CD109: variants seen among roughly 807,000 people sequenced by gnomAD.
CD109 encodes CD109 antigen.
A neutral mutation model predicts 165.8 loss-of-function variants in CD109; 149 were observed. The observed-to-expected ratio is 0.90, with a 90% confidence interval of 0.79 to 1.03. The LOEUF is 1.03. Ranked by LOEUF, CD109 falls within the 50% of genes least tolerant of loss-of-function variation. The pLI, the probability that CD109 is intolerant of heterozygous loss-of-function variation, is 0.00. For synonymous variants in CD109, 585 were observed against 592.1 expected, an observed-to-expected ratio of 0.99 and a Z score of 0.18; for missense variants, 1,712 against 1,677.8, an observed-to-expected ratio of 1.02 and a Z score of -0.36.
At chr6:73,786,012 T>G (rs2150257026) in intron 20 of CD109, among the ~76,000 whole-genome samples, 1 of 152,190 alleles carries the variant, frequency 6.6e-6, no homozygotes, top group Non-Finnish European at 1.5e-5. Context: ...CCCAGCTAAT[T>G]TTTGTGTTTT....
chr6:73,725,590 C>T (rs1378421147), intron 3 of CD109, among the ~76,000 whole-genome samples: 2 of 145,504 alleles, frequency 1.4e-5, no homozygotes, highest in East Asian at 4.1e-4. Context: ...CTCACTGCAA[C>T]CTCCGTTTCC....
At position 73,827,741 on chromosome 6, in the gene CD109, G is replaced by A. The variant is rs1194916185; in HGVS notation, c.*4108G>A. 6 of 152,004 alleles carry A rather than the reference G, an allele frequency of 3.9e-5. No individual in the cohort carries two copies. Among genetic ancestry groups the A allele is most frequent in the Admixed American group, 1.3e-4 (2 of 15,252 alleles). 9.4% of individuals were successfully genotyped at this position (152,004 alleles called of 1,614,324 possible). Reference sequence around the variant, plus strand: ...ATATGTTGTCATTTTCATTTCAGTTGTAACATAGGAAAATAGATATTTCCT... The same window carrying A: ...ATATGTTGTCATTTTCATTTCAGTTATAACATAGGAAAATAGATATTTCCT... On this transcript the variant is annotated 3_prime_UTR_variant, in exon 33 of 33. Coordinates refer to ENST00000287097, the MANE Select transcript of CD109 (RefSeq NM_133493.5).
chr6:73,685,782 G>A, the CD109 span, among the ~76,000 whole-genome samples: 108,171 of 152,094 alleles, frequency 0.71, 38,921 homozygotes, highest in African/African-American at 0.81. Flanking sequence ...TTCACTTATA[G>A]GTGAAAACAT....
rs370528139 is a variant in CD109, at chr6:73,730,396, C to A, written c.329C>A (p.Thr110Asn). Reference protein sequence around the residue: ...EIYELRVTGRTQDEILFSNST... With the variant: ...EIYELRVTGRNQDEILFSNST... ...TATGAGCTACGTGTAACCGGACGTACCCAGGATGAGATTTTATTCTCTAAT... is the reference window on the plus strand; with the variant it reads ...TATGAGCTACGTGTAACCGGACGTAACCAGGATGAGATTTTATTCTCTAAT... Residue 110 changes from threonine to asparagine, a missense_variant, in exon 4 of 33, where the codon ACC becomes AAC. Physicochemically the swap from Thr to Asn is moderately conservative, Grantham distance 65 (BLOSUM62 0). Transcript: ENST00000287097. 24 of 1,613,934 alleles carry A rather than the reference C, an allele frequency of 1.5e-5. 2 individuals carry two copies. In the African/African-American group the frequency reaches 1.7e-4, roughly 12 times the overall value.
chr6:73,819,706 T>A (rs1427511081), intron 31 of CD109, among the ~76,000 whole-genome samples: 1 of 152,226 alleles, frequency 6.6e-6, no homozygotes, highest in African/African-American at 2.4e-5. Context: ...TTTTGCTGTT[T>A]AGGAATTATC....
chr6:73,694,356 AG>A (rs1257960048), upstream of CD109: 2 of 152,206 alleles, frequency 1.3e-5, no homozygotes, highest in African/African-American at 4.8e-5. Flanking sequence ...CCTTTCGACA[AG>A]TGTGTATTGT....
chr6:73,721,096 ACTTC>A (rs1771933159), intron 2 of CD109, among the ~76,000 whole-genome samples: 1 of 152,196 alleles, frequency 6.6e-6, no homozygotes, highest in African/African-American at 2.4e-5. Flanking sequence ...GTTCCACGAT[ACTTC>A]CTTCTTCACC....
rs1477290121 is a variant in CD109 at position 73,781,408 on chromosome 6, A to G, written c.1963+89A>G. The G allele has an allele frequency of 3.6e-6, 4 of 1,123,306 alleles. No individual in the cohort carries two copies. The African/African-American group carries it at 4.7e-5, about 13-fold the overall frequency. 69.6% of individuals were successfully genotyped at this position (1,123,306 alleles called of 1,614,324 possible). On this transcript the variant is annotated intron_variant, in intron 17 of 32. Transcript: ENST00000287097. ...AGGTATGGATATTTTTTAGATGAAC[A>G]TAGAGATTGTGATTTTCATTTTTTT...
At chr6:73,698,836 C>T (rs1321302337) in intron 2 of CD109, among the ~76,000 whole-genome samples, 1 of 152,180 alleles carries the variant, frequency 6.6e-6, no homozygotes, top group Non-Finnish European at 1.5e-5. Flanking sequence ...CCTGGTACTA[C>T]TTTGCTACTA....
At chr6:73,700,631 A>G (rs1771030395) in intron 2 of CD109, among the ~76,000 whole-genome samples, 1 of 152,162 alleles carries the variant, frequency 6.6e-6, no homozygotes, top group Middle Eastern at 3.4e-3. Flanking sequence ...TAAAGGTGAA[A>G]AAGTATGGCA....
intron 2 of CD109, among the ~76,000 whole-genome samples, chr6:73,710,189 A>G (rs1289429273): frequency 6.6e-6 from 1 of 152,208 alleles, no homozygotes; most frequent in Admixed American, 6.5e-5. Flanking sequence ...ATATCTAGAA[A>G]ACCCCATTGT....
rs41266745 is a variant in CD109, at chr6:73,771,463, C to T, written c.1709C>T (p.Pro570Leu). 3.7e-3 allele frequency: 5,957 copies of T among 1,606,202 alleles called. 23 individuals carry two copies. Among genetic ancestry groups the T allele is most frequent in the Non-Finnish European group, 4.5e-3 (5,267 of 1,177,202 alleles). ...TATTGGAGTAAAGTGAAAGCTGAACCATCTGAGAAAGTCTCTCTTAGGATC... is the reference window on the plus strand; with the variant it reads ...TATTGGAGTAAAGTGAAAGCTGAACTATCTGAGAAAGTCTCTCTTAGGATC... ...KLYWSKVKAE[P>L]SEKVSLRISV... Residue 570 changes from proline (P) to leucine (L), a missense_variant, in exon 15 of 33, where the codon CCA becomes CTA. Coordinates refer to ENST00000287097, the MANE Select transcript of CD109 (RefSeq NM_133493.5).
At chr6:73,787,008 CTG>C (rs57028718) in intron 20 of CD109, among the ~76,000 whole-genome samples, 5,835 of 152,192 alleles carry the variant, frequency 0.038, 460 homozygotes, top group East Asian at 0.3. Context: ...AGAAATGGGG[CTG>C]AAGATCGCCC....
chr6:73,803,235 T>G lies in CD109; in HGVS notation c.2894T>G (p.Leu965Arg), dbSNP rs747753518. The change falls in exon 24 of 33, where the codon CTT becomes CGT. Residue 965 changes from leucine to arginine, a missense_variant. Coordinates refer to ENST00000287097, the MANE Select transcript of CD109 (RefSeq NM_133493.5). ...SFMRQGYQRE[L>R]LYQREDGSFS... ...TTGTGTCTAGGTTACCAGAGAGAAC[T>G]TCTCTATCAGAGGGAAGATGGCTCT... 2 of 1,610,976 alleles carry G rather than the reference T, an allele frequency of 1.2e-6. No individual in the cohort carries two copies. The highest frequency in any genetic ancestry group is 1.7e-6 in the Non-Finnish European group (2 of 1,178,516).
chr6:73,787,581 C>G, intron 21 of CD109, 129 bp downstream of exon 21: 1 of 630,928 alleles, frequency 1.6e-6, no homozygotes, highest in Non-Finnish European at 2.7e-6. Context: ...CTGGTAATGC[C>G]TAATCACTTT....
In CD109 at chr6:73,792,684, C is replaced by T. The variant is rs771414856; in HGVS notation, c.2760C>T (p.Gly920=). The change falls in exon 23 of 33, where the codon GGC becomes GGT. Residue 920 remains glycine, a synonymous_variant. Transcript: ENST00000287097. ...CCTCATTGATTCGGATGCCTTATGG[C>T]TGTGGTGAACAGAACATGATAAATT... ...GLASLIRMPY[G]CGEQNMINFA... 5.0e-6 allele frequency: 8 copies of T among 1,613,218 alleles called. No individual in the cohort carries two copies. Among genetic ancestry groups the T allele is most frequent in the Non-Finnish European group, 6.8e-6 (8 of 1,179,894 alleles).
intron 2 of CD109, among the ~76,000 whole-genome samples, chr6:73,717,059 G>A (rs2150162119): frequency 6.6e-6 from 1 of 152,230 alleles, no homozygotes; most frequent in Non-Finnish European, 1.5e-5. Flanking sequence ...ATATGTTCTT[G>A]GCACCTTTGT....
rs144470765 is a variant in CD109 at position 73,811,115 on chromosome 6, A to G, written c.3670A>G (p.Thr1224Ala). The change falls in exon 28 of 33, where the codon ACA becomes GCA. Residue 1224 changes from threonine to alanine, a missense_variant. Thr to Ala is a moderately conservative substitution (Grantham distance 58, BLOSUM62 0). Transcript: ENST00000287097. Reference sequence around the variant, plus strand: ...AAGTCCTGTAAAGTTTCTGATTGACACACACAACCGCTTACTCCTTCAGAC... The same window carrying G: ...AAGTCCTGTAAAGTTTCTGATTGACGCACACAACCGCTTACTCCTTCAGAC... ...SPSPVKFLID[T>A]HNRLLLQTAE... 3.7e-6 allele frequency: 6 copies of G among 1,613,186 alleles called. No homozygotes were observed. The African/African-American group carries it at 8.0e-5, about 22-fold the overall frequency.
intron 30 of CD109, among the ~76,000 whole-genome samples, chr6:73,817,015 G>A (rs377340488): frequency 3.3e-5 from 5 of 152,174 alleles, no homozygotes; most frequent in East Asian, 1.9e-4. Flanking sequence ...TGAGGGTAGG[G>A]GTTTTATAAA....
Sources: allele counts gnomAD v4.1 joint callset (sites outside exome capture counted in the v4.1 genomes callset), GRCh38; gene constraint gnomAD v4.1.1; transcripts MANE v1.5; gene names NCBI Gene and HGNC (gene_info 2026-07-23, HGNC 2026-07-21).